The following AQP6 variants were observed in gnomAD, a reference collection of about 807,000 sequenced individuals.
AQP6 encodes aquaporin-6.
In AQP6, 14 loss-of-function variants were observed where a neutral mutation model predicts 16.3. The observed-to-expected ratio is 0.86, with a 90% CI of 0.57 to 1.34. The LOEUF (loss-of-function observed/expected upper bound fraction) is 1.34, where lower values mean the gene tolerates loss of function less well. Ranked by LOEUF, AQP6 falls within the 40% of genes most tolerant of loss-of-function variation. AQP6 has a pLI of 0.00. For synonymous variants in AQP6, 178 were observed against 166.8 expected (o/e 1.07, Z -0.52); for missense variants, 331 against 379.7 (o/e 0.87, Z 1.07).
Position 49,974,431 on chromosome 12 carries a change from C to T in AQP6, c.510C>T (p.Gly170=). The change falls in exon 2 of 4, where the codon GGC becomes GGT. Residue 170 remains glycine, a synonymous_variant. Transcript: ENST00000315520. ...FASTDSRQTS[G]SPATMIGISV... is the part of the protein sequence containing the mutation. ...CCACCGACAGCCGTCAGACATCAGG[C>T]TCCCCGGCCACCATGATTGGGATCT... 1 of 1,613,686 alleles carries T rather than the reference C, an allele frequency of 6.2e-7. No individual in the cohort carries two copies. The highest frequency in any genetic ancestry group is 8.5e-7 in the Non-Finnish European group (1 of 1,179,706).
In AQP6 at chr12:49,973,197, A is replaced by G; in HGVS notation, c.24A>G (p.Gly8=). 2 of 1,609,792 alleles carry G rather than the reference A, an allele frequency of 1.2e-6. No individual in the cohort carries two copies. The highest frequency in any genetic ancestry group is 1.7e-6 in the Non-Finnish European group (2 of 1,177,408). MDAVEPG[G]RGWASMLACR... is the part of the protein sequence containing the mutation. ...ACATGGATGCAGTGGAGCCAGGGGGACGTGGCTGGGCCAGCATGTTGGCGT... is the reference window on the plus strand; with the variant it reads ...ACATGGATGCAGTGGAGCCAGGGGGGCGTGGCTGGGCCAGCATGTTGGCGT... Residue 8 remains glycine, a synonymous_variant, in exon 1 of 4, where the codon GGA becomes GGG. Transcript: ENST00000315520.
intron 1 of AQP6, 185 bp from the exon 2 acceptor site, chr12:49,974,139 C>T: frequency 7.8e-7 from 1 of 1,286,858 alleles, no homozygotes; most frequent in East Asian, 2.9e-5. Flanking sequence ...CCACTCACTT[C>T]TGCAGGGAGC....
At position 49,974,773 on chromosome 12, in the gene AQP6, C is replaced by T; in HGVS notation, c.589C>T (p.Pro197Ser). ...CCACTTCACTGGCTGCTCCATGAAT[C>T]CAGCCCGCTCCTTCGGCCCTGCCAT... ...GIHFTGCSMN[P>S]ARSFGPAIII... Residue 197 changes from proline (P) to serine (S), a missense_variant, in exon 3 of 4, where the codon CCA (proline) becomes TCA (serine). Coordinates refer to ENST00000315520, the MANE Select transcript of AQP6 (RefSeq NM_001652.4). The T allele has an allele frequency of 6.2e-7, 1 of 1,614,244 alleles. No individual in the cohort carries two copies. The highest frequency in any genetic ancestry group is 8.5e-7 in the Non-Finnish European group (1 of 1,180,044).
intron 1 of AQP6, chr12:49,973,850 G>A (rs1454049646): frequency 5.7e-6 from 7 of 1,228,738 alleles, no homozygotes; most frequent in Non-Finnish European, 7.3e-6. Flanking sequence ...AAGGGTAGAT[G>A]CGGCCAAGGG....
chr12:49,972,998 G>A lies in AQP6; in HGVS notation c.-176G>A. ...GCGCCCTGCCAGTCTGACCAGCACA[G>A]TCCTGGGGACAGGAGCGTGGTGGAG... On this transcript the variant is annotated 5_prime_UTR_variant, in exon 1 of 4. Coordinates refer to ENST00000315520, the MANE Select transcript of AQP6 (RefSeq NM_001652.4). The A allele has an allele frequency of 1.1e-6, 1 of 885,364 alleles. No individual in the cohort carries two copies. Among genetic ancestry groups the A allele is most frequent in the Non-Finnish European group, 1.7e-6 (1 of 597,686 alleles). 54.8% of individuals were successfully genotyped at this position (885,364 alleles called of 1,614,324 possible). A position where few individuals can be genotyped will look rare whatever the true frequency, so the allele number is the denominator to read the frequency against.
Position 49,973,130 on chromosome 12 carries a change from A to T in AQP6, c.-44A>T. On this transcript the variant is annotated 5_prime_UTR_variant, in exon 1 of 4. It introduces an in-frame stop codon into an upstream open reading frame of the 5' UTR. Coordinates refer to ENST00000315520, the MANE Select transcript of AQP6 (RefSeq NM_001652.4). ...GAGATCAGAGACCAGAGGAACAGAGAAGAGGCCCCAGAGCAAGGCAAGGAA... is the reference window on the plus strand; with the variant it reads ...GAGATCAGAGACCAGAGGAACAGAGTAGAGGCCCCAGAGCAAGGCAAGGAA... 6.4e-7 allele frequency: 1 copy of T among 1,553,822 alleles called. No homozygotes were observed.
rs377215001 is a variant in AQP6, at chr12:49,975,551, G to A, written c.729G>A (p.Ala243=). ...TGTTCCCCGACACCAAGACCCTGGC[G>A]CAGCGGCTGGCTATCCTCACAGGCA... is the stretch of plus-strand genomic sequence containing the variant. ...FVLFPDTKTL[A]QRLAILTGTV... The change falls in exon 4 of 4, where the codon GCG becomes GCA. Residue 243 remains alanine (A), a synonymous_variant. Transcript: ENST00000315520. The surrounding 1 kb of genome is among the most constrained non-coding windows in gnomAD (Gnocchi z 4.4). The A allele has an allele frequency of 1.2e-5, 20 of 1,613,666 alleles. No homozygotes were observed. The highest frequency in any genetic ancestry group is 2.7e-5 in the African/African-American group (2 of 74,896).
Position 49,976,780 on chromosome 12 carries a change from T to C in AQP6, c.*1109T>C, listed in dbSNP as rs1017114143. 8.7e-6 allele frequency: 5 copies of C among 571,524 alleles called. No homozygotes were observed. Among genetic ancestry groups the C allele is most frequent in the African/African-American group, 1.9e-5 (1 of 52,998 alleles). The allele number at this position is 571,524 out of a possible 1,614,324, so 35.4% of individuals were successfully genotyped here. ...CAGAGGGGAAGTGCCCATCTAGCCA[T>C]TGACTCATGACCTGGGTCAAAGAAG... is the stretch of plus-strand genomic sequence containing the variant. On this transcript the variant is annotated 3_prime_UTR_variant, in exon 4 of 4. Coordinates refer to ENST00000315520, the MANE Select transcript of AQP6 (RefSeq NM_001652.4).
intron 2 of AQP6, 110 bp from the exon 3 acceptor site, chr12:49,974,636 A>C: frequency 6.8e-7 from 1 of 1,460,208 alleles, no homozygotes; most frequent in East Asian, 2.4e-5. Context: ...AGGATATGGC[A>C]CTACAGAGGC....
In AQP6 at chr12:49,973,465, C is replaced by G. The variant is rs148360286; in HGVS notation, c.292C>G (p.Pro98Ala). Residue 98 changes from proline (P) to alanine (A), a missense_variant, in exon 1 of 4, where the codon CCC becomes GCC. Physicochemically the swap from Pro to Ala is conservative, Grantham distance 27. Coordinates refer to ENST00000315520, the MANE Select transcript of AQP6 (RefSeq NM_001652.4). ...CCTCGTAGGCTCCCACATCTCTCTGCCCCGTGCTGTGGCCTATGTGGCTGC... is the reference window on the plus strand; with the variant it reads ...CCTCGTAGGCTCCCACATCTCTCTGGCCCGTGCTGTGGCCTATGTGGCTGC... ...AFLVGSHISL[P>A]RAVAYVAAQL... The G allele has an allele frequency of 1.9e-6, 3 of 1,613,686 alleles. No homozygotes were observed. Among genetic ancestry groups the G allele is most frequent in the Non-Finnish European group, 2.5e-6 (3 of 1,180,058 alleles).
At position 49,972,968 on chromosome 12, in the gene AQP6, C is replaced by G; in HGVS notation, c.-206C>G. 4.5e-6 allele frequency: 3 copies of G among 670,168 alleles called. No individual in the cohort carries two copies. Among genetic ancestry groups the G allele is most frequent in the Non-Finnish European group, 7.3e-6 (3 of 409,558 alleles). 41.5% of individuals were successfully genotyped at this position (670,168 alleles called of 1,614,324 possible). ...CCCCATACACATGCATAAGCCCATC[C>G]GCCTGCGCCCTGCCAGTCTGACCAG... On this transcript the variant is annotated 5_prime_UTR_variant, in exon 1 of 4. Transcript: ENST00000315520.
Position 49,975,682 on chromosome 12 carries a change from G to A in AQP6, c.*11G>A, listed in dbSNP as rs981253890. The A allele has an allele frequency of 1.4e-5, 21 of 1,518,306 alleles. No individual in the cohort carries two copies. The highest frequency in any genetic ancestry group is 2.6e-5 in the South Asian group (2 of 75,778). The allele number at this position is 1,518,306 out of a possible 1,614,324, so 94.1% of individuals were successfully genotyped here. On this transcript the variant is annotated 3_prime_UTR_variant, in exon 4 of 4. Transcript: ENST00000315520. The surrounding 1 kb of genome is among the most constrained non-coding windows in gnomAD (Gnocchi z 4.4). ...ATGGAGAGTGTGTGAAACAGCCTACGCCTGGCCGCGCCCTTGGGCTTCCTG... is the reference window on the plus strand; with the variant it reads ...ATGGAGAGTGTGTGAAACAGCCTACACCTGGCCGCGCCCTTGGGCTTCCTG...
rs555591926 is a variant in AQP6, at chr12:49,974,226, C to T, written c.403-98C>T. 25 of 1,430,900 alleles carry T rather than the reference C, an allele frequency of 1.7e-5. 1 individual carries two copies. In the South Asian group the frequency reaches 4.0e-4, roughly 23 times the overall value. The allele number at this position is 1,430,900 out of a possible 1,614,324, so 88.6% of individuals were successfully genotyped here. On this transcript the variant is annotated intron_variant, in intron 1 of 3. Coordinates refer to ENST00000315520, the MANE Select transcript of AQP6 (RefSeq NM_001652.4). ...AAGCTGGGCGGCAGTGAGGTGTCAC[C>T]CCCCTCCAGCTGAGGAGACCAGGCC...
Position 49,975,991 on chromosome 12 carries a change from A to C in AQP6, c.*320A>C, listed in dbSNP as rs888132768. 3 of 221,702 alleles carry C rather than the reference A, an allele frequency of 1.4e-5. No homozygotes were observed. Among genetic ancestry groups the C allele is most frequent in the Admixed American group, 5.6e-5 (1 of 17,922 alleles). The allele number at this position is 221,702 out of a possible 1,614,324, so 13.7% of individuals were successfully genotyped here. The stretch of plus-strand genomic sequence containing the variant: ...CCAGATGCCCAAGTCTTGGGGGAGA[A>C]AGGAATGGGAGCCCAGACAGCCACT... On this transcript the variant is annotated 3_prime_UTR_variant, in exon 4 of 4. Coordinates refer to ENST00000315520, the MANE Select transcript of AQP6 (RefSeq NM_001652.4). The surrounding 1 kb of genome is among the most constrained non-coding windows in gnomAD (Gnocchi z 4.4).
In AQP6 at chr12:49,975,680, A is replaced by ACGCCTGGC; in HGVS notation, c.*13_*20dup. 6.6e-7 allele frequency: 1 copy of ACGCCTGGC among 1,525,680 alleles called. No individual in the cohort carries two copies. Among genetic ancestry groups the ACGCCTGGC allele is most frequent in the Non-Finnish European group, 8.8e-7 (1 of 1,141,796 alleles). 94.5% of individuals were successfully genotyped at this position (1,525,680 alleles called of 1,614,324 possible). A position where few individuals can be genotyped will look rare whatever the true frequency, so the allele number is the denominator to read the frequency against. ...AGATGGAGAGTGTGTGAAACAGCCTACGCCTGGCCGCGCCCTTGGGCTTCC... is the reference window on the plus strand; with the variant it reads ...AGATGGAGAGTGTGTGAAACAGCCTACGCCTGGCCGCCTGGCCGCGCCCTTGGGCTTCC... On this transcript the variant is annotated 3_prime_UTR_variant, in exon 4 of 4. Coordinates refer to ENST00000315520, the MANE Select transcript of AQP6 (RefSeq NM_001652.4). This position sits in a 1 kb window ranked among gnomAD's most constrained non-coding sequence, Gnocchi z 4.4.
In AQP6 at chr12:49,975,395, G is replaced by A; in HGVS notation, c.643-70G>A. 1 of 1,514,498 alleles carries A rather than the reference G, an allele frequency of 6.6e-7. No homozygotes were observed. The highest frequency in any genetic ancestry group is 8.8e-7 in the Non-Finnish European group (1 of 1,135,314). 93.8% of individuals were successfully genotyped at this position (1,514,498 alleles called of 1,614,324 possible). ...AGATCAAGTCGGCACTGGGGAAGCA[G>A]GCAGCGGTCCCAGAGCCACCCTGTG... On this transcript the variant is annotated intron_variant, in intron 3 of 3. Transcript: ENST00000315520. The surrounding 1 kb of genome is among the most constrained non-coding windows in gnomAD (Gnocchi z 4.4).
At position 49,975,889 on chromosome 12, in the gene AQP6, A is replaced by G. The variant is rs1947569644; in HGVS notation, c.*218A>G. On this transcript the variant is annotated 3_prime_UTR_variant, in exon 4 of 4. Coordinates refer to ENST00000315520, the MANE Select transcript of AQP6 (RefSeq NM_001652.4). This position sits in a 1 kb window ranked among gnomAD's most constrained non-coding sequence, Gnocchi z 4.4. ...TAGGGCTTCCCCACCTCTCGGTGGG[A>G]CAGAGCAGAGGAAGGCAGGGGATTT... 1.9e-6 allele frequency: 1 copy of G among 528,258 alleles called. No homozygotes were observed. Among genetic ancestry groups the G allele is most frequent in the Non-Finnish European group, 3.0e-6 (1 of 332,734 alleles). The allele number at this position is 528,258 out of a possible 1,614,324, so 32.7% of individuals were successfully genotyped here.
chr12:49,975,425 T>C lies in AQP6; in HGVS notation c.643-40T>C. ...CGGTCCCAGAGCCACCCTGTGGTCCTGATAGCTCCTGGGTGGGGTGACGAC... is the reference window on the plus strand; with the variant it reads ...CGGTCCCAGAGCCACCCTGTGGTCCCGATAGCTCCTGGGTGGGGTGACGAC... On this transcript the variant is annotated intron_variant, in intron 3 of 3. Transcript: ENST00000315520. This position sits in a 1 kb window ranked among gnomAD's most constrained non-coding sequence, Gnocchi z 4.4. 13 of 1,549,866 alleles carry C rather than the reference T, an allele frequency of 8.4e-6. No individual in the cohort carries two copies. Among genetic ancestry groups the C allele is most frequent in the Admixed American group, 2.1e-5 (1 of 47,938 alleles).
Position 49,976,948 on chromosome 12 carries a change from G to T in AQP6, c.*1277G>T. On this transcript the variant is annotated 3_prime_UTR_variant, in exon 4 of 4. Transcript: ENST00000315520. ...TGAAAGACTACCAAAATCTAAGTTG[G>T]TTTAATAGTTAAAAGCTGCTGTAGA... The T allele has an allele frequency of 1.4e-6, 1 of 700,940 alleles. No individual in the cohort carries two copies. The highest frequency in any genetic ancestry group is 2.6e-6 in the Non-Finnish European group (1 of 384,494). The allele number at this position is 700,940 out of a possible 1,614,324, so 43.4% of individuals were successfully genotyped here.
Sources: gnomAD v4.1 joint callset for allele counts on GRCh38, gnomAD v4.1.1 for gene constraint, Gnocchi (gnomAD v3.1) non-coding constraint, MANE v1.5 for transcripts, NCBI Gene and HGNC (gene_info 2026-07-23, HGNC 2026-07-21) for gene names.